Variants in TECPR2 observed in about 807,000 individuals in gnomAD.
TECPR2 encodes tectonin beta-propeller repeat containing 2.
In TECPR2, 65 loss-of-function variants were observed where a neutral mutation model predicts 138.1. That is an observed-to-expected ratio of 0.47 (90% CI 0.39 to 0.58). The LOEUF (loss-of-function observed/expected upper bound fraction) is 0.58, where lower values mean the gene tolerates loss of function less well. TECPR2 is among the 20% of genes least tolerant of loss of function. The probability of loss-of-function intolerance (pLI) is 0.00; values close to 1 mark genes in which losing one functional copy is unlikely to be tolerated. For synonymous variants in TECPR2, 746 were observed against 749.8 expected (o/e 0.99, Z 0.08); for missense variants, 1,553 against 1,824.5 (o/e 0.85, Z 2.71).
chr14:102,384,724 T>C (rs138356715), intron 2 of TECPR2, among the ~76,000 whole-genome samples: 49 of 149,622 alleles, frequency 3.3e-4, no homozygotes, highest in Middle Eastern at 3.5e-3. Flanking sequence ...TATATATATA[T>C]ACACATATAT....
intron 2 of TECPR2, among the ~76,000 whole-genome samples, chr14:102,384,753 G>GTA (rs1004169692): frequency 2.4e-4 from 35 of 144,632 alleles, no homozygotes; most frequent in African/African-American, 4.8e-4. Context: ...GTATGTGTGT[G>GTA]TATATATATA....
chr14:102,418,815 G>A (rs1157562400), intron 5 of TECPR2, among the ~76,000 whole-genome samples: 2 of 152,238 alleles, frequency 1.3e-5, no homozygotes, highest in Admixed American at 6.5e-5. Context: ...TTCCAAGGCA[G>A]AGCTGGCAGA....
chr14:102,437,920 C>T (rs898062077), intron 9 of TECPR2, 102 bp from the exon 10 acceptor site: 18 of 1,353,246 alleles, frequency 1.3e-5, no homozygotes, highest in East Asian at 4.8e-5. Flanking sequence ...CCCGTTTTAC[C>T]GTCTCGTGTT....
At chr14:102,403,584 G>T (rs142592173) in intron 2 of TECPR2, among the ~76,000 whole-genome samples, 362 of 152,208 alleles carry the variant, frequency 2.4e-3, no homozygotes, top group Non-Finnish European at 4.1e-3. Flanking sequence ...AGAAGTAAAA[G>T]TATCTCTGTT....
Position 102,363,111 on chromosome 14 carries a change from C to G in TECPR2, c.-78C>G, listed in dbSNP as rs1469902146. 2.5e-6 allele frequency: 1 copy of G among 403,182 alleles called. No individual in the cohort carries two copies. Among genetic ancestry groups the G allele is most frequent in the Non-Finnish European group, 4.4e-6 (1 of 229,148 alleles). 25.0% of individuals were successfully genotyped at this position (403,182 alleles called of 1,614,324 possible). A position where few individuals can be genotyped will look rare whatever the true frequency, so the allele number is the denominator to read the frequency against. On this transcript the variant is annotated 5_prime_UTR_variant, in exon 1 of 20. Transcript: ENST00000359520. The stretch of plus-strand genomic sequence containing the variant: ...GCCGACGAGTCCGGAGGGGCTGCCG[C>G]GGGAGGTGAGTCCGGCGACGCCGCA...
chr14:102,402,697 A>G (rs1888525390), intron 2 of TECPR2, among the ~76,000 whole-genome samples: 1 of 152,158 alleles, frequency 6.6e-6, no homozygotes, highest in East Asian at 1.9e-4. Context: ...TAAAACCAGA[A>G]ACAAAGTAGA....
At chr14:102,447,887 C>A (rs113364946) in intron 13 of TECPR2, among the ~76,000 whole-genome samples, 10 of 152,206 alleles carry the variant, frequency 6.6e-5, no homozygotes, top group African/African-American at 2.4e-4. Flanking sequence ...TTATTGTCAC[C>A]TCAGACTTGC....
At chr14:102,369,907 A>G (rs1365027241) in intron 1 of TECPR2, among the ~76,000 whole-genome samples, 1 of 151,934 alleles carries the variant, frequency 6.6e-6, no homozygotes, top group Non-Finnish European at 1.5e-5. Context: ...GTGAGCCGAG[A>G]TCGCATCACT....
intron 2 of TECPR2, among the ~76,000 whole-genome samples, chr14:102,393,738 T>A (rs1213483863): frequency 1.3e-5 from 2 of 152,104 alleles, no homozygotes. Context: ...TTTTGTACTT[T>A]TAGTAGAGAT....
chr14:102,451,352 G>A (rs937439476), intron 15 of TECPR2, among the ~76,000 whole-genome samples: 5 of 152,308 alleles, frequency 3.3e-5, no homozygotes, highest in Non-Finnish European at 5.9e-5. Flanking sequence ...AGAGGGAATC[G>A]TTTGCTTAGT....
chr14:102,425,831 C>A (rs531809555), intron 6 of TECPR2, among the ~76,000 whole-genome samples: 3 of 149,686 alleles, frequency 2.0e-5, no homozygotes, highest in Non-Finnish European at 4.4e-5. Context: ...GCCTTGGCCT[C>A]CCAAATTGCT....
chr14:102,373,631 A>C (rs970664442), intron 1 of TECPR2, among the ~76,000 whole-genome samples: 1 of 152,216 alleles, frequency 6.6e-6, no homozygotes, highest in Non-Finnish European at 1.5e-5. Flanking sequence ...AACATTAGCT[A>C]TTCCCATTAT....
intron 1 of TECPR2, among the ~76,000 whole-genome samples, chr14:102,369,555 G>T (rs182135824): frequency 2.6e-5 from 4 of 151,968 alleles, no homozygotes; most frequent in Non-Finnish European, 1.5e-5. Flanking sequence ...CTCCTGAGTA[G>T]ATGGTACTAC....
rs533332099 is a variant in TECPR2, at chr14:102,492,123, G to C, written c.3790-4856G>C. 2.6e-5 allele frequency among the ~76,000 whole-genome samples: 4 copies of C among 152,350 alleles called. No individual in the cohort carries two copies. The East Asian group carries it at 7.7e-4, about 29-fold the overall frequency. On this transcript the variant is annotated intron_variant, in intron 17 of 19. Transcript: ENST00000359520. ...TGACTTGCTCTTCCTCTTTTAAAGA[G>C]CATTTACTGGTGTCCCCATGTGCTT...
At chr14:102,435,366 A>G (rs1333624996) in intron 9 of TECPR2, among the ~76,000 whole-genome samples, 155 bp downstream of exon 9, 2 of 152,104 alleles carry the variant, frequency 1.3e-5, no homozygotes, top group South Asian at 2.1e-4. Flanking sequence ...GTTTCAGGGG[A>G]TTTCCAGCAC....
chr14:102,363,205 C>G (rs1887230480), intron 1 of TECPR2, 89 bp downstream of exon 1: 1 of 271,870 alleles, frequency 3.7e-6, no homozygotes, highest in Non-Finnish European at 6.9e-6. Flanking sequence ...CCCCGGGCCA[C>G]TCTTCCCTTG....
At chr14:102,438,439 T>A (rs1056583415) in intron 10 of TECPR2, 1 of 501,514 alleles carries the variant, frequency 2.0e-6, no homozygotes, top group Non-Finnish European at 3.4e-6. Flanking sequence ...AGTTTGAGTT[T>A]TTGTTTTCTT....
intron 4 of TECPR2, among the ~76,000 whole-genome samples, chr14:102,412,463 A>G (rs533747714): frequency 1.2e-4 from 18 of 152,324 alleles, no homozygotes; most frequent in Non-Finnish European, 1.9e-4. Context: ...TCAAAAAAAT[A>G]CCTTCATTAA....
At chr14:102,436,374 A>G (rs1024298837) in intron 9 of TECPR2, among the ~76,000 whole-genome samples, 1 of 147,174 alleles carries the variant, frequency 6.8e-6, no homozygotes, top group African/African-American at 2.5e-5. Context: ...GATGGAGCGC[A>G]GTGGCGCAAT....
Sources: allele counts gnomAD v4.1 joint callset (sites outside exome capture counted in the v4.1 genomes callset), GRCh38; gene constraint gnomAD v4.1.1; transcripts MANE v1.5; gene names NCBI Gene and HGNC (gene_info 2026-07-23, HGNC 2026-07-21).